The following EVC2 variants were observed in gnomAD, a reference collection of about 807,000 sequenced individuals.
The protein encoded by EVC2 is EvC ciliary complex subunit 2.
In EVC2, 148 loss-of-function variants were observed where a neutral mutation model predicts 149.3. That is an observed-to-expected ratio of 0.99 (90% CI 0.87 to 1.14). The LOEUF (loss-of-function observed/expected upper bound fraction) is 1.14, where lower values mean the gene tolerates loss of function less well. Among genes scored for constraint, EVC2 ranks in the 50% most tolerant of loss-of-function variants. The pLI is 0.00. For synonymous variants in EVC2, 776 were observed against 649.9 expected (o/e 1.19, Z -2.95); for missense variants, 1,854 against 1,627.3 (o/e 1.14, Z -2.40).
At chr4:5,693,532 G>A (rs1721265876) in intron 3 of EVC2, among the ~76,000 whole-genome samples, 1 of 152,226 alleles carries the variant, frequency 6.6e-6, no homozygotes, top group Non-Finnish European at 1.5e-5. Flanking sequence ...GGAGGAGGAT[G>A]CTCCCCTAGA....
Position 5,609,130 on chromosome 4 carries a change from G to A in EVC2, c.2829+6292C>T, listed in dbSNP as rs372683687. Among the ~76,000 whole-genome samples, 20 of 152,104 alleles carry A rather than the reference G, an allele frequency of 1.3e-4. No homozygotes were observed. In the East Asian group the frequency reaches 3.9e-3, roughly 29 times the overall value. ...TGTAGCCTCCAGATGGCAGACAGTG[G>A]ACCTTCTCAGCCTCTATAACTGCAT... On this transcript the variant is annotated intron_variant, in intron 16 of 21. Transcript: ENST00000344408.
chr4:5,599,114 C>G (rs1713739529), intron 16 of EVC2, among the ~76,000 whole-genome samples: 1 of 151,994 alleles, frequency 6.6e-6, no homozygotes, highest in Non-Finnish European at 1.5e-5. Context: ...CACTTTTACA[C>G]TGTTGGTGGG....
downstream of EVC2, among the ~76,000 whole-genome samples, chr4:5,562,005 G>A (rs1459731281): frequency 6.6e-6 from 1 of 152,110 alleles, no homozygotes; most frequent in Non-Finnish European, 1.5e-5. The surrounding 1 kb of genome is among the most constrained non-coding windows in gnomAD (Gnocchi z 4.3). Context: ...GATATTACTG[G>A]CCTCAGGCAC....
chr4:5,565,251 T>C lies in EVC2; in HGVS notation c.3659+7A>G, dbSNP rs747137096. 12 of 1,613,136 alleles carry C rather than the reference T, an allele frequency of 7.4e-6. No homozygotes were observed. Among genetic ancestry groups the C allele is most frequent in the South Asian group, 6.6e-5 (6 of 91,056 alleles). On this transcript the variant is annotated splice_region_variant and intron_variant, in intron 21 of 21. Transcript: ENST00000344408. ...CCCCAGCCACATGAGCAGGTGCCCA[T>C]CATTACCTCTGCTTTCTCTTGCGGG... is the stretch of plus-strand genomic sequence containing the variant.
chr4:5,609,984 G>A (rs1416790278), intron 16 of EVC2, among the ~76,000 whole-genome samples: 1 of 152,134 alleles, frequency 6.6e-6, no homozygotes, highest in Non-Finnish European at 1.5e-5. Context: ...AATGAACAAG[G>A]CACAGGTCAG....
chr4:5,599,591 G>T (rs1230073527), intron 16 of EVC2, among the ~76,000 whole-genome samples: 1 of 152,152 alleles, frequency 6.6e-6, no homozygotes, highest in Non-Finnish European at 1.5e-5. Context: ...AGAGGGGGGA[G>T]GGATAGCTTT....
intron 17 of EVC2, among the ~76,000 whole-genome samples, chr4:5,579,535 C>G (rs1711568932): frequency 6.6e-6 from 1 of 152,094 alleles, no homozygotes; most frequent in African/African-American, 2.4e-5. Flanking sequence ...GGGAGAAAGG[C>G]AGAGGGAAGA....
chr4:5,599,513 T>C (rs182065247), intron 16 of EVC2, among the ~76,000 whole-genome samples: 2,635 of 152,152 alleles, frequency 0.017, 66 homozygotes, highest in African/African-American at 0.059. Context: ...CAGGTGGGAA[T>C]TGAACAATGA....
rs1192266721 is a variant in EVC2, at chr4:5,677,197, G to A, written c.870+4063C>T. ...CCATTTACCTCAACAACCATCCTAT[G>A]AAGTGAACGTTGTTATTACTCTCAT... is the stretch of plus-strand genomic sequence containing the variant. On this transcript the variant is annotated intron_variant, in intron 7 of 21. Transcript: ENST00000344408. The surrounding 1 kb of genome is among the most constrained non-coding windows in gnomAD (Gnocchi z 4.3). Among the ~76,000 whole-genome samples the A allele has an allele frequency of 6.6e-6, 1 of 152,160 alleles. No individual in the cohort carries two copies. Among genetic ancestry groups the A allele is most frequent in the Non-Finnish European group, 1.5e-5 (1 of 68,030 alleles).
At chr4:5,617,255 C>T (rs539598975) in intron 15 of EVC2, among the ~76,000 whole-genome samples, 18 of 152,304 alleles carry the variant, frequency 1.2e-4, no homozygotes, top group Middle Eastern at 3.4e-3. Context: ...CAGTTCTCTA[C>T]CTCCTATAGG....
chr4:5,529,963 C>A, the EVC2 span, among the ~76,000 whole-genome samples: 1 of 151,910 alleles, frequency 6.6e-6, no homozygotes, highest in African/African-American at 2.4e-5. The surrounding 1 kb of genome is among the most constrained non-coding windows in gnomAD (Gnocchi z 4.5). Context: ...TTACAGGTGC[C>A]CACCACTACG....
downstream of EVC2, among the ~76,000 whole-genome samples, chr4:5,560,587 C>T (rs895507917): frequency 2.0e-5 from 3 of 152,068 alleles, no homozygotes; most frequent in Non-Finnish European, 4.4e-5. This position sits in a 1 kb window ranked among gnomAD's most constrained non-coding sequence, Gnocchi z 4.1. Context: ...GCCCTTGACA[C>T]GTGGGGATTA....
chr4:5,555,469 C>A (rs1033110272), intron 21 of EVC2, among the ~76,000 whole-genome samples: 9 of 152,022 alleles, frequency 5.9e-5, no homozygotes, highest in South Asian at 2.1e-4. Flanking sequence ...GAAAGATATA[C>A]CTTGCTAACA....
At chr4:5,709,262 G>A (rs1722422287), upstream of EVC2, 1 of 82,150 alleles carries the variant, frequency 1.2e-5, no homozygotes, top group Admixed American at 1.0e-4. Flanking sequence ...AAGGGACGCA[G>A]GAGGAGGAGG....
intron 16 of EVC2, among the ~76,000 whole-genome samples, chr4:5,596,700 G>A (rs188307139): frequency 2.0e-5 from 3 of 152,086 alleles, no homozygotes; most frequent in African/African-American, 7.2e-5. Context: ...GCTAGCAGAA[G>A]GCAAGAAGTA....
intron 3 of EVC2, 128 bp downstream of exon 3, chr4:5,694,207 T>C (rs1721312771): frequency 7.7e-6 from 7 of 913,008 alleles, no homozygotes; most frequent in Admixed American, 2.2e-5. Flanking sequence ...GTGATAACTA[T>C]ATTTAGTGAA....
chr4:5,557,204 T>C (rs975872788), intron 21 of EVC2, among the ~76,000 whole-genome samples: 3 of 151,984 alleles, frequency 2.0e-5, no homozygotes, highest in Non-Finnish European at 4.4e-5. Flanking sequence ...ATCCAATAAT[T>C]TATAAAAAGA....
intron 9 of EVC2, among the ~76,000 whole-genome samples, chr4:5,649,319 G>A (rs1325270261): frequency 6.6e-6 from 1 of 152,110 alleles, no homozygotes; most frequent in Non-Finnish European, 1.5e-5. Context: ...ATTCCTCTTG[G>A]AAGTGACTGG....
intron 16 of EVC2, among the ~76,000 whole-genome samples, chr4:5,610,633 G>T (rs756581329): frequency 3.3e-5 from 5 of 151,958 alleles, no homozygotes; most frequent in Non-Finnish European, 5.9e-5. Flanking sequence ...CAGGCTCAGG[G>T]CATTGCAGAC....
Sources: allele counts gnomAD v4.1 joint callset (sites outside exome capture counted in the v4.1 genomes callset), GRCh38; gene constraint gnomAD v4.1.1; non-coding constraint Gnocchi (gnomAD v3.1); transcripts MANE v1.5; gene names NCBI Gene and HGNC (gene_info 2026-07-23, HGNC 2026-07-21).